The following KIF4A variants were observed in gnomAD, a reference collection of about 807,000 sequenced individuals.
KIF4A encodes kinesin family member 4A.
In KIF4A, 7 loss-of-function variants were observed where a neutral mutation model predicts 105.9. That is an observed-to-expected ratio of 0.07 (90% CI 0.04 to 0.12). The LOEUF (loss-of-function observed/expected upper bound fraction) is 0.12, where lower values mean the gene tolerates loss of function less well. Ranked by LOEUF, KIF4A falls within the 10% of genes least tolerant of loss-of-function variation. KIF4A has a pLI of 1.00. For missense variants in KIF4A, 558 were observed against 929.2 expected, an observed-to-expected ratio of 0.60 and a Z score of 5.19; for synonymous variants, 281 against 331.3, an observed-to-expected ratio of 0.85 and a Z score of 1.65.
rs2085924702 is a variant in KIF4A at position 70,330,101 on chromosome X, A to G, written c.896-56A>G. On this transcript the variant is annotated intron_variant, in intron 8 of 30. Coordinates refer to ENST00000374403, the MANE Select transcript of KIF4A (RefSeq NM_012310.5). Reference sequence around the variant, plus strand: ...CCAACCCGAATGGACGGCTTTGCTTATATCCTACTTGTTTGATTTCATTTC... The same window carrying G: ...CCAACCCGAATGGACGGCTTTGCTTGTATCCTACTTGTTTGATTTCATTTC... The G allele has an allele frequency of 2.8e-6, 3 of 1,055,579 alleles. No individual in the cohort carries two copies. In the African/African-American group the frequency reaches 5.6e-5, roughly 20 times the overall value. 87.0% of individuals were successfully genotyped at this position (1,055,579 alleles called of 1,213,427 possible).
At chrX:70,376,352 C>G in intron 18 of KIF4A, 142 bp downstream of exon 18, 1 of 429,825 alleles carries the variant, frequency 2.3e-6, no homozygotes, top group Non-Finnish European at 4.1e-6. Flanking sequence ...TAAATGTCTA[C>G]TATGTCTATT....
intron 23 of KIF4A, 109 bp downstream of exon 23, chrX:70,402,804 C>T: frequency 1.1e-6 from 1 of 906,861 alleles, no homozygotes; most frequent in African/African-American, 1.9e-5. Flanking sequence ...TGGTAGAAAC[C>T]CTAATAACAC....
At chrX:70,357,942 G>A (rs1241805357) in intron 15 of KIF4A, among the ~76,000 whole-genome samples, 1 of 111,113 alleles carries the variant, frequency 9.0e-6, no homozygotes, top group African/African-American at 3.3e-5. Flanking sequence ...ACAGGGTCTT[G>A]CTCTGTTACC....
intron 25 of KIF4A, among the ~76,000 whole-genome samples, chrX:70,405,509 G>A (rs1200837983): frequency 9.0e-6 from 1 of 111,475 alleles, no homozygotes; most frequent in East Asian, 2.8e-4. Flanking sequence ...AAGTTTCTGC[G>A]GGTTTCTTAA....
chrX:70,302,708 T>G lies in KIF4A; in HGVS notation c.778+310T>G, dbSNP rs776498568. On this transcript the variant is annotated intron_variant, in intron 7 of 30. Transcript: ENST00000374403. ...AAATCAGTATCCTGATTCTGTCATTTTAAGTATTCACCATCCCTTCCAGAT... is the reference window on the plus strand; with the variant it reads ...AAATCAGTATCCTGATTCTGTCATTGTAAGTATTCACCATCCCTTCCAGAT... Among the ~76,000 whole-genome samples the G allele has an allele frequency of 3.6e-5, 4 of 112,055 alleles. No homozygotes were observed. The East Asian group carries it at 1.1e-3, about 31-fold the overall frequency.
intron 10 of KIF4A, among the ~76,000 whole-genome samples, chrX:70,334,449 T>C (rs1338495412): frequency 2.7e-5 from 3 of 112,297 alleles, no homozygotes; most frequent in African/African-American, 9.7e-5. Flanking sequence ...CCTTTCCTTA[T>C]TTGTAACTTC....
Position 70,420,288 on chromosome X carries a change from C to A in KIF4A, c.*23C>A. 1 of 1,182,236 alleles carries A rather than the reference C, an allele frequency of 8.5e-7. No homozygotes were observed. Among genetic ancestry groups the A allele is most frequent in the Non-Finnish European group, 1.1e-6 (1 of 882,843 alleles). ...TGAAGTTGGAGTCATCATCTCTACC[C>A]CCAGTCTGGCTTGGGAGATGCTTTC... is the stretch of plus-strand genomic sequence containing the variant. On this transcript the variant is annotated 3_prime_UTR_variant, in exon 31 of 31. Coordinates refer to ENST00000374403, the MANE Select transcript of KIF4A (RefSeq NM_012310.5).
chrX:70,406,940 C>T lies in KIF4A; in HGVS notation c.3120C>T (p.Asp1040=). The T allele has an allele frequency of 8.3e-7, 1 of 1,211,627 alleles. No homozygotes were observed. Among genetic ancestry groups the T allele is most frequent in the South Asian group, 1.8e-5 (1 of 56,995 alleles). Residue 1040 remains aspartate, a synonymous_variant, in exon 28 of 31, where the codon GAC becomes GAT. Transcript: ENST00000374403. ...AAAAGTTCCTGGAGCAAAGCATGGA[C>T]ATCGAGGATCTAAAATATTGTTCAG... ...VKEKFLEQSM[D]IEDLKYCSEH...
At chrX:70,356,893 T>G (rs1292611180) in intron 15 of KIF4A, among the ~76,000 whole-genome samples, 1 of 112,434 alleles carries the variant, frequency 8.9e-6, no homozygotes, top group Non-Finnish European at 1.9e-5. Flanking sequence ...TTTTTCTGAT[T>G]ACATAAATAT....
At chrX:70,388,681 T>C (rs1314701015) in intron 20 of KIF4A, among the ~76,000 whole-genome samples, 2 of 112,092 alleles carry the variant, frequency 1.8e-5, no homozygotes, top group Non-Finnish European at 1.9e-5. Context: ...TTATTTGCCA[T>C]ATGTATGTTT....
In KIF4A at chrX:70,419,798, A is replaced by G. The variant is rs2086359199; in HGVS notation, c.3495+15A>G. On this transcript the variant is annotated intron_variant, in intron 30 of 30. Transcript: ENST00000374403. The stretch of plus-strand genomic sequence containing the variant: ...CCAATAGCAAGGTAGGTGGGCTAAA[A>G]GGCAGGCATTGGAAAACTGGATTAG... 4 of 1,210,984 alleles carry G rather than the reference A, an allele frequency of 3.3e-6. No individual in the cohort carries two copies. Among genetic ancestry groups the G allele is most frequent in the East Asian group, 3.0e-5 (1 of 33,817 alleles).
intron 7 of KIF4A, among the ~76,000 whole-genome samples, chrX:70,322,383 C>T (rs1309705149): frequency 1.8e-5 from 2 of 109,340 alleles, no homozygotes; most frequent in Non-Finnish European, 3.8e-5. Context: ...GCAATCTCGG[C>T]TCATTGCAAG....
intron 7 of KIF4A, among the ~76,000 whole-genome samples, chrX:70,310,345 G>A (rs1381674417): frequency 2.8e-5 from 3 of 105,843 alleles, no homozygotes; most frequent in Non-Finnish European, 3.8e-5. Context: ...GTGTGTGTGT[G>A]TGTGCCTGGA....
chrX:70,365,093 G>A (rs1347595849), intron 15 of KIF4A, among the ~76,000 whole-genome samples: 40 of 111,932 alleles, frequency 3.6e-4, no homozygotes, highest in Admixed American at 1.9e-4. Context: ...CATTGATTTT[G>A]TATCCTGAGA....
At chrX:70,369,399 A>G (rs938459312) in intron 15 of KIF4A, among the ~76,000 whole-genome samples, 3 of 112,149 alleles carry the variant, frequency 2.7e-5, no homozygotes, top group African/African-American at 9.7e-5. Flanking sequence ...TCCACCCCCT[A>G]GAAACTATTT....
chrX:70,293,973 CG>C (rs1293256197), intron 3 of KIF4A, among the ~76,000 whole-genome samples: 3 of 112,333 alleles, frequency 2.7e-5, no homozygotes, highest in Non-Finnish European at 5.6e-5. Flanking sequence ...GCTTATTATA[CG>C]TTTTTTACTT....
In KIF4A at chrX:70,331,023, A is replaced by T. The variant is rs774369739; in HGVS notation, c.1071+691A>T. 5.4e-5 allele frequency among the ~76,000 whole-genome samples: 6 copies of T among 111,827 alleles called. No homozygotes were observed. In the Admixed American group the frequency reaches 5.7e-4, roughly 11 times the overall value. On this transcript the variant is annotated intron_variant, in intron 9 of 30. Transcript: ENST00000374403. Reference sequence around the variant, plus strand: ...CCTGCATATACATAGGAACAGCTGTATAGTGGCCAGGAGCACTGACACTGC... The same window carrying T: ...CCTGCATATACATAGGAACAGCTGTTTAGTGGCCAGGAGCACTGACACTGC...
At chrX:70,377,810 T>C (rs2086181058) in intron 18 of KIF4A, among the ~76,000 whole-genome samples, 1 of 112,224 alleles carries the variant, frequency 8.9e-6, no homozygotes, top group South Asian at 3.7e-4. Context: ...GTGGCACATC[T>C]GTGATCTCCA....
intron 15 of KIF4A, among the ~76,000 whole-genome samples, chrX:70,360,038 A>G (rs1010121152): frequency 8.1e-5 from 9 of 111,113 alleles, no homozygotes; most frequent in African/African-American, 2.9e-4. Flanking sequence ...CTTGTTAAAT[A>G]TTTAACCCTG....
Sources: allele counts gnomAD v4.1 joint callset (sites outside exome capture counted in the v4.1 genomes callset), GRCh38; gene constraint gnomAD v4.1.1; transcripts MANE v1.5; gene names NCBI Gene and HGNC (gene_info 2026-07-23, HGNC 2026-07-21).